MAML2: variants seen among roughly 807,000 people sequenced by gnomAD.
The protein encoded by MAML2 is mastermind-like protein 2.
A neutral mutation model predicts 96.1 loss-of-function variants in MAML2; 22 were observed. The observed-to-expected ratio is 0.23, with a 90% CI of 0.16 to 0.33. MAML2 has a LOEUF of 0.33. Among genes scored for constraint, MAML2 ranks in the 10% least tolerant of loss-of-function variants. The pLI is 1.00. For synonymous variants in MAML2, 561 were observed against 521.3 expected (o/e 1.08, Z -1.04); for missense variants, 1,367 against 1,392.4 (o/e 0.98, Z 0.29).
chr11:96,119,435 G>A (rs1860297865), intron 1 of MAML2, among the ~76,000 whole-genome samples: 2 of 152,188 alleles, frequency 1.3e-5, no homozygotes, highest in South Asian at 2.1e-4. Context: ...CTGGAAACAG[G>A]TTGTCCCCTA....
At chr11:96,331,984 G>T (rs1316068907) in intron 1 of MAML2, among the ~76,000 whole-genome samples, 1 of 152,184 alleles carries the variant, frequency 6.6e-6, no homozygotes, top group Non-Finnish European at 1.5e-5. Context: ...ATGAGAGAAG[G>T]CTAGAAATGA....
intron 2 of MAML2, among the ~76,000 whole-genome samples, chr11:96,021,988 C>T (rs1858443275): frequency 6.6e-6 from 1 of 152,084 alleles, no homozygotes; most frequent in South Asian, 2.1e-4. Flanking sequence ...TACCTTGAAC[C>T]TGGTTCAGGT....
chr11:96,287,462 A>T (rs924957133), intron 1 of MAML2, among the ~76,000 whole-genome samples: 1 of 152,258 alleles, frequency 6.6e-6, no homozygotes, highest in Non-Finnish European at 1.5e-5. Flanking sequence ...ATGCCTTACT[A>T]ATGGCCAGTG....
chr11:96,178,864 T>C (rs370702018), intron 1 of MAML2, among the ~76,000 whole-genome samples: 1 of 152,192 alleles, frequency 6.6e-6, no homozygotes, highest in African/African-American at 2.4e-5. Flanking sequence ...CAATCTCTTA[T>C]AAAATGGCAT....
intron 1 of MAML2, among the ~76,000 whole-genome samples, chr11:96,250,531 T>C (rs1462938481): frequency 6.6e-6 from 1 of 152,232 alleles, no homozygotes; most frequent in Non-Finnish European, 1.5e-5. Context: ...TATCATTTAA[T>C]AAATATCTCC....
intron 1 of MAML2, among the ~76,000 whole-genome samples, chr11:96,206,771 G>A (rs1306244330): frequency 6.6e-6 from 1 of 152,086 alleles, no homozygotes; most frequent in Non-Finnish European, 1.5e-5. Context: ...AAGCTGCTTT[G>A]GTTATGGATT....
At chr11:96,120,014 G>A (rs1005654298) in intron 1 of MAML2, among the ~76,000 whole-genome samples, 17 of 148,858 alleles carry the variant, frequency 1.1e-4, no homozygotes, top group Non-Finnish European at 2.1e-4. Context: ...CTGGAGTGCA[G>A]TGACACGATC....
chr11:96,298,070 C>T (rs984535669), intron 1 of MAML2, among the ~76,000 whole-genome samples: 3 of 152,110 alleles, frequency 2.0e-5, no homozygotes, highest in African/African-American at 4.8e-5. Context: ...CCACTTCATT[C>T]CCCCCAATTT....
At position 96,092,695 on chromosome 11, in the gene MAML2, G is replaced by A. The variant is rs1859745811; in HGVS notation, c.1336C>T (p.His446Tyr). The change falls in exon 2 of 5, where the codon CAT (histidine) becomes TAT (tyrosine). Residue 446 changes from histidine to tyrosine, a missense_variant. Physicochemically the swap from His to Tyr is moderately conservative, Grantham distance 83. Coordinates refer to ENST00000524717, the MANE Select transcript of MAML2 (RefSeq NM_032427.4). The surrounding 1 kb of genome is among the most constrained non-coding windows in gnomAD (Gnocchi z 4.1). ...TGCTGGTGCTGCTGCATCCGGGCATGCTGCTGACGATTAGCAGCTATCTGT... is the reference window on the plus strand; with the variant it reads ...TGCTGGTGCTGCTGCATCCGGGCATACTGCTGACGATTAGCAGCTATCTGT... ...LKQIAANRQQHARMQQHQQQH... is the reference protein window; with the variant it reads ...LKQIAANRQQYARMQQHQQQH... The A allele has an allele frequency of 1.9e-6, 3 of 1,614,012 alleles. No individual in the cohort carries two copies. The highest frequency in any genetic ancestry group is 3.3e-5 in the Admixed American group (2 of 60,030).
Position 95,979,619 on chromosome 11 carries a change from G to C in MAML2, c.2800C>G (p.Gln934Glu), listed in dbSNP as rs1857703686. ...TGGGTTAAATTTGGTCTCAATTGTT[G>C]TGAATTACCAACAGATCCAGCTCCA... ...TFGAGSVGNS[Q>E]QLRPNLTHSM... Residue 934 changes from glutamine (Q) to glutamate (E), a missense_variant, in exon 5 of 5, where the codon CAA (glutamine) becomes GAA (glutamate). Transcript: ENST00000524717. 2 of 1,613,828 alleles carry C rather than the reference G, an allele frequency of 1.2e-6. No homozygotes were observed. The highest frequency in any genetic ancestry group is 2.7e-5 in the African/African-American group (2 of 74,922).
intron 2 of MAML2, among the ~76,000 whole-genome samples, chr11:96,055,515 T>C (rs919041833): frequency 1.3e-5 from 2 of 152,236 alleles, no homozygotes; most frequent in Non-Finnish European, 2.9e-5. Context: ...GAGCCTTTTC[T>C]CTCTATACTT....
intron 1 of MAML2, among the ~76,000 whole-genome samples, chr11:96,216,065 A>G (rs564136815): frequency 3.0e-4 from 45 of 152,312 alleles, no homozygotes; most frequent in Non-Finnish European, 5.7e-4. Context: ...ATTTAGTATC[A>G]TATTTGCAGA....
At chr11:96,301,457 C>T (rs776268418) in intron 1 of MAML2, among the ~76,000 whole-genome samples, 9 of 152,286 alleles carry the variant, frequency 5.9e-5, no homozygotes, top group Non-Finnish European at 1.0e-4. Context: ...CTCTCCACTG[C>T]GTAGGCCAGG....
At chr11:96,110,753 G>T (rs1407955539) in intron 1 of MAML2, among the ~76,000 whole-genome samples, 1 of 152,138 alleles carries the variant, frequency 6.6e-6, no homozygotes, top group Non-Finnish European at 1.5e-5. Context: ...CAAAAGAGAT[G>T]GACGGCATTG....
intron 1 of MAML2, among the ~76,000 whole-genome samples, chr11:96,304,896 C>T (rs1346681219): frequency 6.6e-6 from 1 of 152,146 alleles, no homozygotes; most frequent in African/African-American, 2.4e-5. Flanking sequence ...TTGAGAAGCT[C>T]CTGACTCAAC....
Position 96,298,724 on chromosome 11 carries a change from A to C in MAML2, c.513+42659T>G, listed in dbSNP as rs1863336464. ...ATGTGTGTATAAATATATATATATT[A>C]AATACATAATATTATATATATATAT... On this transcript the variant is annotated intron_variant, in intron 1 of 4. Transcript: ENST00000524717. Among the ~76,000 whole-genome samples, 15 of 144,692 alleles carry C rather than the reference A, an allele frequency of 1.0e-4. 1 individual carries two copies. The South Asian group carries it at 3.2e-3, about 31-fold the overall frequency. 94.9% of individuals were successfully genotyped at this position (144,692 alleles called of 152,430 possible).
chr11:96,291,086 T>C (rs1420793483), intron 1 of MAML2, among the ~76,000 whole-genome samples: 1 of 150,264 alleles, frequency 6.7e-6, no homozygotes, highest in African/African-American at 2.4e-5. Flanking sequence ...CTTAGAGCCA[T>C]GTGACATCTG....
chr11:95,985,485 T>A (rs1857810560), intron 4 of MAML2, 46 bp downstream of exon 4: 1 of 1,184,502 alleles, frequency 8.4e-7, no homozygotes, highest in Admixed American at 2.5e-5. Flanking sequence ...GAAGTTTTTT[T>A]TTCCTTTCAC....
chr11:96,050,522 C>T (rs11021404), intron 2 of MAML2, among the ~76,000 whole-genome samples: 33,302 of 152,088 alleles, frequency 0.22, 4,602 homozygotes, highest in Non-Finnish European at 0.32. Flanking sequence ...TTCCTTTTTG[C>T]ATGAGAATCT....
Sources: allele counts gnomAD v4.1 joint callset (sites outside exome capture counted in the v4.1 genomes callset), GRCh38; gene constraint gnomAD v4.1.1; non-coding constraint Gnocchi (gnomAD v3.1); transcripts MANE v1.5; gene names NCBI Gene and HGNC (gene_info 2026-07-23, HGNC 2026-07-21).